TTLL5: variants seen among roughly 807,000 people sequenced by gnomAD.
TTLL5 encodes tubulin polyglutamylase TTLL5.
In TTLL5, 132 loss-of-function variants were observed where a neutral mutation model predicts 168.4. That is an observed-to-expected ratio of 0.78 (90% CI 0.68 to 0.91). TTLL5 has a LOEUF of 0.91. Ranked by LOEUF, TTLL5 falls within the 40% of genes least tolerant of loss-of-function variation. The pLI, the probability that TTLL5 is intolerant of heterozygous loss-of-function variation, is 0.00. For missense variants in TTLL5, 1,545 were observed against 1,581.5 expected (o/e 0.98, Z 0.39); for synonymous variants, 546 against 558.6 (o/e 0.98, Z 0.32).
chr14:75,915,201 C>CA (rs1439091345), intron 31 of TTLL5, among the ~76,000 whole-genome samples: 12 of 152,164 alleles, frequency 7.9e-5, no homozygotes, highest in African/African-American at 2.9e-4. Flanking sequence ...CTTCTGAACT[C>CA]ACCATGAATT....
In TTLL5 at chr14:75,863,861, A is replaced by G; in HGVS notation, c.3521A>G (p.Gln1174Arg). The G allele has an allele frequency of 6.4e-7, 1 of 1,569,816 alleles. No individual in the cohort carries two copies. Among genetic ancestry groups the G allele is most frequent in the Non-Finnish European group, 8.7e-7 (1 of 1,152,296 alleles). The change falls in exon 29 of 32, where the codon CAG (glutamine) becomes CGG (arginine). Residue 1174 changes from glutamine (Q) to arginine (R), a missense_variant and splice_region_variant. Transcript: ENST00000298832. ...CTGGACCAGAGTCGAGCCCGGCACC[A>G]GGTAATTCAAGATAAGTCTTTTCCA... ...QLLDQSRARH[Q>R]AIFGSQTLPN...
intron 20 of TTLL5, among the ~76,000 whole-genome samples, chr14:75,771,524 ATC>A (rs1268224313): frequency 6.6e-6 from 1 of 152,130 alleles, no homozygotes; most frequent in Non-Finnish European, 1.5e-5. Context: ...AGGATTCTCC[ATC>A]TCTGATTCTT....
At chr14:75,903,361 C>T (rs2033006052) in intron 31 of TTLL5, among the ~76,000 whole-genome samples, 1 of 151,802 alleles carries the variant, frequency 6.6e-6, no homozygotes, top group Admixed American at 6.6e-5. Flanking sequence ...AAGCAAAGAC[C>T]GGGGGGAAGT....
At chr14:75,819,870 G>A (rs2140414054) in intron 27 of TTLL5, 137 bp from the exon 28 acceptor site, 1 of 848,456 alleles carries the variant, frequency 1.2e-6, no homozygotes, top group Non-Finnish European at 1.8e-6. Context: ...TCCTTCCTGA[G>A]TGCCTTTGTC....
At chr14:75,806,964 C>T (rs1436365340) in intron 27 of TTLL5, among the ~76,000 whole-genome samples, 1 of 152,156 alleles carries the variant, frequency 6.6e-6, no homozygotes, top group African/African-American at 2.4e-5. Flanking sequence ...TTCATTCCTT[C>T]ATTACTTTTT....
At chr14:75,889,462 T>C (rs2032280457) in intron 30 of TTLL5, among the ~76,000 whole-genome samples, 1 of 152,186 alleles carries the variant, frequency 6.6e-6, no homozygotes, top group Non-Finnish European at 1.5e-5. Flanking sequence ...CTGGAACGTT[T>C]CAATTAAGTC....
At chr14:75,705,717 C>T (rs1243919413) in intron 7 of TTLL5, among the ~76,000 whole-genome samples, 1 of 152,180 alleles carries the variant, frequency 6.6e-6, no homozygotes, top group Non-Finnish European at 1.5e-5. Flanking sequence ...TTTGTGTCTG[C>T]AAATGTTGAT....
chr14:75,687,491 C>T (rs1161952051), intron 5 of TTLL5, among the ~76,000 whole-genome samples: 1 of 152,074 alleles, frequency 6.6e-6, no homozygotes, highest in Non-Finnish European at 1.5e-5. Context: ...TCAGGCTGGT[C>T]TCGAACTCCT....
chr14:75,854,742 A>G (rs1897045737), intron 28 of TTLL5, among the ~76,000 whole-genome samples: 1 of 152,170 alleles, frequency 6.6e-6, no homozygotes, highest in African/African-American at 2.4e-5. Context: ...TTCCCTGATG[A>G]GTACTGATGT....
intron 7 of TTLL5, among the ~76,000 whole-genome samples, chr14:75,705,754 C>T (rs976070610): frequency 1.3e-5 from 2 of 152,152 alleles, no homozygotes; most frequent in Admixed American, 1.3e-4. Context: ...TTTACTGTAG[C>T]TATTATCAAC....
intron 23 of TTLL5, among the ~76,000 whole-genome samples, chr14:75,778,665 C>A (rs1891863568): frequency 6.6e-6 from 1 of 151,996 alleles, no homozygotes; most frequent in Non-Finnish European, 1.5e-5. Flanking sequence ...CACTTAATAG[C>A]CACTTTCCTA....
Position 75,663,137 on chromosome 14 carries a change from A to G in TTLL5, c.-13A>G. ...GCCCCCGTCTGCTGACTGCATGACAAACCCTAAAGGAAATGCCAATCGTGA... is the reference window on the plus strand; with the variant it reads ...GCCCCCGTCTGCTGACTGCATGACAGACCCTAAAGGAAATGCCAATCGTGA... On this transcript the variant is annotated 5_prime_UTR_variant, in exon 2 of 32. Coordinates refer to ENST00000298832, the MANE Select transcript of TTLL5 (RefSeq NM_015072.5). 6.2e-7 allele frequency: 1 copy of G among 1,613,274 alleles called. No homozygotes were observed. The highest frequency in any genetic ancestry group is 1.6e-4 in the Middle Eastern group (1 of 6,062).
At chr14:75,701,567 A>G (rs1886277914) in intron 7 of TTLL5, among the ~76,000 whole-genome samples, 1 of 152,226 alleles carries the variant, frequency 6.6e-6, no homozygotes. Context: ...AAAGTGGGCC[A>G]TATTGTGAAT....
chr14:75,793,098 C>G lies in TTLL5; in HGVS notation c.3169C>G (p.Gln1057Glu), dbSNP rs1207407582. ...PSSHINLLTQ[Q>E]VTNLNLATGI... is the part of the protein sequence containing the mutation. ...CAGCCACATCAACCTCCTCACCCAA[C>G]AGGTACGGATGGTCTGGGGTGTCCA... Residue 1057 changes from glutamine (Q) to glutamate (E), a missense_variant and splice_region_variant, in exon 27 of 32, where the codon CAG becomes GAG. By Grantham distance (29) the Gln-to-Glu change is conservative (BLOSUM62 2). Transcript: ENST00000298832. The G allele has an allele frequency of 6.2e-7, 1 of 1,608,556 alleles. No individual in the cohort carries two copies. Among genetic ancestry groups the G allele is most frequent in the Non-Finnish European group, 8.5e-7 (1 of 1,176,788 alleles).
chr14:75,921,659 G>A (rs556957856), intron 31 of TTLL5, among the ~76,000 whole-genome samples: 9 of 152,324 alleles, frequency 5.9e-5, no homozygotes, highest in East Asian at 3.9e-4. Flanking sequence ...CAGGTAGTGC[G>A]ATGCCTCCTA....
chr14:75,792,044 G>A (rs1892757736), intron 26 of TTLL5, among the ~76,000 whole-genome samples: 1 of 152,028 alleles, frequency 6.6e-6, no homozygotes, highest in African/African-American at 2.4e-5. Context: ...AAGTAGCTGG[G>A]ACTATAAGCA....
At chr14:75,714,840 T>C (rs1419197916) in intron 9 of TTLL5, among the ~76,000 whole-genome samples, 1 of 152,174 alleles carries the variant, frequency 6.6e-6, no homozygotes, top group African/African-American at 2.4e-5. Flanking sequence ...CTAGATACGC[T>C]CATTGTTTTG....
At chr14:75,754,474 A>C (rs1566589259) in intron 18 of TTLL5, among the ~76,000 whole-genome samples, 1 of 152,186 alleles carries the variant, frequency 6.6e-6, no homozygotes, top group Non-Finnish European at 1.5e-5. Flanking sequence ...CTGTTTCTGA[A>C]CTGACATGGA....
chr14:75,743,048 C>G (rs957837906), intron 15 of TTLL5, among the ~76,000 whole-genome samples: 10 of 152,180 alleles, frequency 6.6e-5, no homozygotes, highest in African/African-American at 2.4e-4. Flanking sequence ...TCAGCACTTT[C>G]ACGTATTTGT....
Sources: allele counts gnomAD v4.1 joint callset (sites outside exome capture counted in the v4.1 genomes callset), GRCh38; gene constraint gnomAD v4.1.1; transcripts MANE v1.5; gene names NCBI Gene and HGNC (gene_info 2026-07-23, HGNC 2026-07-21).